The following PTPRD variants were observed in gnomAD, a reference collection of about 807,000 sequenced individuals.
The protein encoded by PTPRD is protein tyrosine phosphatase receptor type D.
A neutral mutation model predicts 214.5 loss-of-function variants in PTPRD; 34 were observed. The observed-to-expected ratio is 0.16, with a 90% CI of 0.12 to 0.21. The LOEUF is 0.21. Among genes scored for constraint, PTPRD ranks in the 10% least tolerant of loss-of-function variants. The pLI is 1.00. For missense variants in PTPRD, 2,545 were observed against 2,398.7 expected, an observed-to-expected ratio of 1.06 and a Z score of -1.27; for synonymous variants, 1,128 against 845.7, an observed-to-expected ratio of 1.33 and a Z score of -5.79.
chr9:8,917,662 T>C (rs112579487), intron 11 of PTPRD, among the ~76,000 whole-genome samples: 83 of 152,284 alleles, frequency 5.5e-4, no homozygotes, highest in African/African-American at 1.9e-3. Flanking sequence ...TGCAATATGC[T>C]CTAATTTTTC....
At chr9:10,408,366 A>C (rs1286426853) in intron 2 of PTPRD, among the ~76,000 whole-genome samples, 2 of 151,540 alleles carry the variant, frequency 1.3e-5, no homozygotes, top group Non-Finnish European at 3.0e-5. Flanking sequence ...ATAATCTTTC[A>C]CTATGTCCAT....
intron 5 of PTPRD, among the ~76,000 whole-genome samples, chr9:9,791,652 T>C (rs556638711): frequency 6.6e-6 from 1 of 152,260 alleles, no homozygotes; most frequent in South Asian, 2.1e-4. Flanking sequence ...GGAGGAAGAA[T>C]CCATTTTTGT....
intron 11 of PTPRD, among the ~76,000 whole-genome samples, chr9:8,771,359 T>C (rs1054554537): frequency 1.3e-5 from 2 of 152,314 alleles, no homozygotes; most frequent in Admixed American, 6.5e-5. Context: ...AGACTATCAC[T>C]GTACTTTTAA....
chr9:9,216,931 T>C (rs2099952651), intron 9 of PTPRD, among the ~76,000 whole-genome samples: 1 of 152,142 alleles, frequency 6.6e-6, no homozygotes, highest in Non-Finnish European at 1.5e-5. Context: ...TTATTTCTAT[T>C]TTTTTTCTAT....
Position 8,316,686 on chromosome 9 carries a change from A to G in PTPRD, c.*1188T>C, listed in dbSNP as rs1337024355. On this transcript the variant is annotated 3_prime_UTR_variant, in exon 46 of 46. Transcript: ENST00000381196. ...TTTGTTGGAAGCCTGACTAACAAAC[A>G]AACAAAACAATTTGTGGATGTGATT... 8.7e-6 allele frequency: 2 copies of G among 231,034 alleles called. No individual in the cohort carries two copies. Among genetic ancestry groups the G allele is most frequent in the African/African-American group, 4.4e-5 (2 of 45,162 alleles). The allele number at this position is 231,034 out of a possible 1,614,324, so 14.3% of individuals were successfully genotyped here.
chr9:8,935,255 G>T lies in PTPRD; in HGVS notation c.-104+83442C>A, dbSNP rs1158303042. Among the ~76,000 whole-genome samples the T allele has an allele frequency of 4.6e-5, 7 of 152,058 alleles. 1 individual carries two copies. The highest frequency in any genetic ancestry group is 8.8e-5 in the Non-Finnish European group (6 of 67,988). ...GGAAGTAATAAAAAAATTCAGTAAA[G>T]TTGCAGAATACAAAATCAGTATTAA... On this transcript the variant is annotated intron_variant, in intron 11 of 45. Coordinates refer to ENST00000381196, the MANE Select transcript of PTPRD (RefSeq NM_002839.4).
chr9:8,585,943 A>C (rs1440692519), intron 14 of PTPRD, among the ~76,000 whole-genome samples: 1 of 152,178 alleles, frequency 6.6e-6, no homozygotes, highest in East Asian at 1.9e-4. Context: ...AAAGATTAAA[A>C]TTTTATTATA....
intron 39 of PTPRD, among the ~76,000 whole-genome samples, chr9:8,361,302 A>G (rs1048639975): frequency 6.6e-6 from 1 of 152,218 alleles, no homozygotes; most frequent in African/African-American, 2.4e-5. Flanking sequence ...GGAGGCTTTG[A>G]TGAACTGAGC....
chr9:10,245,330 C>T (rs538294073), intron 3 of PTPRD, among the ~76,000 whole-genome samples: 149 of 152,152 alleles, frequency 9.8e-4, no homozygotes, highest in South Asian at 8.7e-3. Context: ...CCATATAGTG[C>T]GTAGGTAATC....
intron 3 of PTPRD, among the ~76,000 whole-genome samples, chr9:10,146,076 C>A (rs906434308): frequency 6.6e-6 from 1 of 151,322 alleles, no homozygotes. Context: ...AAAACTGTAT[C>A]ATTTCATTTT....
chr9:8,902,274 T>C (rs989102128), intron 11 of PTPRD, among the ~76,000 whole-genome samples: 1 of 152,162 alleles, frequency 6.6e-6, no homozygotes, highest in Non-Finnish European at 1.5e-5. Flanking sequence ...TGATTAGCAA[T>C]GCACACCTCA....
At position 9,234,558 on chromosome 9, in the gene PTPRD, G is replaced by A. The variant is rs191154553; in HGVS notation, c.-202-51195C>T. Among the ~76,000 whole-genome samples the A allele has an allele frequency of 3.6e-3, 545 of 152,140 alleles. 2 individuals are homozygous for A. The highest frequency in any genetic ancestry group is 6.1e-3 in the Non-Finnish European group (418 of 68,006). On this transcript the variant is annotated intron_variant, in intron 9 of 45. Coordinates refer to ENST00000381196, the MANE Select transcript of PTPRD (RefSeq NM_002839.4). ...TTTCTTCTTTTCTATGACATCACCC[G>A]GCTGCAAATTTTCCAAACTTTTATG...
At chr9:10,294,066 T>C (rs943702871) in intron 3 of PTPRD, among the ~76,000 whole-genome samples, 11 of 151,970 alleles carry the variant, frequency 7.2e-5, no homozygotes, top group African/African-American at 1.9e-4. Flanking sequence ...CAAAGTTCTA[T>C]CGACATTATT....
chr9:9,600,820 T>A (rs1381676041), intron 7 of PTPRD, among the ~76,000 whole-genome samples: 1 of 152,088 alleles, frequency 6.6e-6, no homozygotes, highest in East Asian at 1.9e-4. Context: ...ATGTTACTGG[T>A]CTGGCTTCTA....
At chr9:9,627,131 T>A (rs1226138178) in intron 7 of PTPRD, among the ~76,000 whole-genome samples, 1 of 152,098 alleles carries the variant, frequency 6.6e-6, no homozygotes, top group East Asian at 1.9e-4. Flanking sequence ...CTGGCCAACA[T>A]GGTGAAACCC....
Position 10,231,956 on chromosome 9 carries a change from TAGAGAGAGAGAGAG to T in PTPRD, c.-545+108993_-545+109006del, listed in dbSNP as rs56151511. Among the ~76,000 whole-genome samples, 854 of 109,016 alleles carry T rather than the reference TAGAGAGAGAGAGAG, an allele frequency of 7.8e-3. 4 individuals carry two copies. Among genetic ancestry groups the T allele is most frequent in the Middle Eastern group, 0.025 (5 of 200 alleles). The allele number at this position is 109,016 out of a possible 152,430, so 71.5% of individuals were successfully genotyped here. Reference sequence around the variant, plus strand: ...TGTATTAGTTCTCTTGGGAATGAATTAGAGAGAGAGAGAGAGAGAGAGAGAGAGAGAGAGTGTGT... The same window carrying T: ...TGTATTAGTTCTCTTGGGAATGAATTAGAGAGAGAGAGAGAGAGAGTGTGT... On this transcript the variant is annotated intron_variant, in intron 3 of 45. Coordinates refer to ENST00000381196, the MANE Select transcript of PTPRD (RefSeq NM_002839.4).
intron 9 of PTPRD, among the ~76,000 whole-genome samples, chr9:9,390,115 C>T (rs2065275243): frequency 1.3e-5 from 2 of 152,138 alleles, no homozygotes; most frequent in African/African-American, 4.8e-5. Flanking sequence ...GTACAGAGAG[C>T]AGAGGCCAAA....
intron 40 of PTPRD, among the ~76,000 whole-genome samples, 185 bp from the exon 41 acceptor site, chr9:8,341,453 C>T (rs898370974): frequency 6.6e-6 from 1 of 152,002 alleles, no homozygotes; most frequent in Admixed American, 6.6e-5. Context: ...TATTGGATTT[C>T]TATATATTTT....
At chr9:10,402,847 T>A (rs1364684003) in intron 2 of PTPRD, among the ~76,000 whole-genome samples, 1 of 151,686 alleles carries the variant, frequency 6.6e-6, no homozygotes, top group Non-Finnish European at 1.5e-5. Flanking sequence ...AAACCATGAA[T>A]GTCTTTATTG....
Sources: gnomAD v4.1 joint callset for allele counts (sites outside exome capture counted in the v4.1 genomes callset) on GRCh38, gnomAD v4.1.1 for gene constraint, MANE v1.5 for transcripts, NCBI Gene and HGNC (gene_info 2026-07-23, HGNC 2026-07-21) for gene names.